FBXO34: variants seen among roughly 807,000 people sequenced by gnomAD.
The protein encoded by FBXO34 is F-box protein 34, also known as F-box only protein 34.
A neutral mutation model predicts 24.5 loss-of-function variants in FBXO34; 12 were observed. The ratio of observed to expected loss-of-function variants is 0.49; its 90% confidence interval spans 0.31 to 0.79. The LOEUF (loss-of-function observed/expected upper bound fraction) is 0.79. FBXO34 is among the 30% of genes least tolerant of loss of function. The pLI, the probability that FBXO34 is intolerant of heterozygous loss-of-function variation, is 0.04. For synonymous variants in FBXO34, 320 were observed against 311.9 expected, an observed-to-expected ratio of 1.03 and a Z score of -0.27; for missense variants, 823 against 857.7, an observed-to-expected ratio of 0.96 and a Z score of 0.51.
intron 1 of FBXO34, among the ~76,000 whole-genome samples, chr14:55,343,952 T>C (rs1167863355): frequency 6.6e-6 from 1 of 152,222 alleles, no homozygotes; most frequent in African/African-American, 2.4e-5. Flanking sequence ...GTGAGAGTTT[T>C]CTTTTCTTTA....
chr14:55,441,584 G>C, the FBXO34 span, among the ~76,000 whole-genome samples: 6 of 152,102 alleles, frequency 3.9e-5, no homozygotes, highest in Non-Finnish European at 5.9e-5. Flanking sequence ...GTCACTGAGC[G>C]TTCCGTCTAA....
intron 1 of FBXO34, among the ~76,000 whole-genome samples, chr14:55,305,965 A>G (rs866268745): frequency 1.3e-5 from 2 of 152,222 alleles, no homozygotes; most frequent in African/African-American, 4.8e-5. Context: ...AAAGTATCAC[A>G]TTTTAAACCT....
chr14:55,391,134 T>C, the FBXO34 span: 5 of 586,232 alleles, frequency 8.5e-6, no homozygotes, highest in South Asian at 2.2e-5. Flanking sequence ...TTTGTAACTA[T>C]GGAACATTAC....
chr14:55,357,839 A>G (rs141215261), downstream of FBXO34, among the ~76,000 whole-genome samples: 1,012 of 152,362 alleles, frequency 6.6e-3, 13 homozygotes, highest in African/African-American at 0.023. Flanking sequence ...TTAAAAAACT[A>G]AAAATCAATT....
At chr14:55,316,107 T>C (rs1022975605) in intron 1 of FBXO34, among the ~76,000 whole-genome samples, 9 of 152,186 alleles carry the variant, frequency 5.9e-5, no homozygotes, top group Admixed American at 1.3e-4. Context: ...TAGTCTTCTT[T>C]TTTTTTGGTA....
At chr14:55,412,970 G>A in the FBXO34 span, among the ~76,000 whole-genome samples, 1 of 152,140 alleles carries the variant, frequency 6.6e-6, no homozygotes, top group Non-Finnish European at 1.5e-5. Flanking sequence ...ATCGAAAACT[G>A]GTGATTCTAC....
chr14:55,307,634 CCTA>C (rs929224581), intron 1 of FBXO34, among the ~76,000 whole-genome samples: 3 of 152,172 alleles, frequency 2.0e-5, no homozygotes, highest in African/African-American at 7.2e-5. Flanking sequence ...TGAGAGATAA[CCTA>C]CTGACATGAG....
At chr14:55,422,127 A>G in the FBXO34 span, among the ~76,000 whole-genome samples, 2 of 152,340 alleles carry the variant, frequency 1.3e-5, no homozygotes, top group South Asian at 2.1e-4. Flanking sequence ...GAACAGCCAC[A>G]TATGTAAAAG....
At chr14:55,326,913 T>A (rs1340086208) in intron 1 of FBXO34, among the ~76,000 whole-genome samples, 1 of 152,178 alleles carries the variant, frequency 6.6e-6, no homozygotes, top group African/African-American at 2.4e-5. Context: ...TGAGTGTGTA[T>A]AACGTTATTA....
chr14:55,289,233 T>C (rs904255950), intron 1 of FBXO34, among the ~76,000 whole-genome samples: 1 of 152,100 alleles, frequency 6.6e-6, no homozygotes, highest in African/African-American at 2.4e-5. Flanking sequence ...TAGTAGTTCT[T>C]AGGTAATTAG....
chr14:55,405,965 T>C, the FBXO34 span, among the ~76,000 whole-genome samples: 1 of 151,806 alleles, frequency 6.6e-6, no homozygotes, highest in Non-Finnish European at 1.5e-5. Context: ...AGGTGGGGGA[T>C]GAGGAAAGGA....
the FBXO34 span, among the ~76,000 whole-genome samples, chr14:55,412,228 G>A: frequency 6.6e-6 from 1 of 152,202 alleles, no homozygotes; most frequent in Admixed American, 6.5e-5. Context: ...GTAGGGTGAA[G>A]GGGCTGGGTC....
chr14:55,364,406 T>C (rs1357304820), downstream of FBXO34, among the ~76,000 whole-genome samples: 1 of 152,128 alleles, frequency 6.6e-6, no homozygotes, highest in Non-Finnish European at 1.5e-5. Context: ...GAGGAAAGAT[T>C]GTCCCACTGG....
intron 1 of FBXO34, among the ~76,000 whole-genome samples, chr14:55,289,549 CAGAA>C (rs1293468016): frequency 5.9e-5 from 9 of 151,896 alleles, no homozygotes; most frequent in Admixed American, 2.0e-4. Context: ...GTATATATGA[CAGAA>C]AGAAAGAGGT....
At chr14:55,400,563 T>G in the FBXO34 span, among the ~76,000 whole-genome samples, 8 of 152,308 alleles carry the variant, frequency 5.3e-5, no homozygotes, top group Middle Eastern at 3.4e-3. Context: ...AATAGCCTAG[T>G]GCACTTTTAT....
chr14:55,404,053 T>C, the FBXO34 span, among the ~76,000 whole-genome samples: 1 of 152,214 alleles, frequency 6.6e-6, no homozygotes. Context: ...AGGAGACCCA[T>C]GGAACTGACC....
At chr14:55,425,513 A>G in the FBXO34 span, among the ~76,000 whole-genome samples, 31,281 of 152,208 alleles carry the variant, frequency 0.21, 5,040 homozygotes, top group African/African-American at 0.45. Flanking sequence ...TGTGCTCCCA[A>G]TTAGGAATAT....
At chr14:55,429,004 T>C in the FBXO34 span, 6 of 1,611,376 alleles carry the variant, frequency 3.7e-6, no homozygotes, top group Non-Finnish European at 5.1e-6. Flanking sequence ...TTTAAAGATG[T>C]CTTAATCGCT....
At chr14:55,357,192 G>T (rs1350814454), downstream of FBXO34, among the ~76,000 whole-genome samples, 1 of 152,208 alleles carries the variant, frequency 6.6e-6, no homozygotes, top group Non-Finnish European at 1.5e-5. Flanking sequence ...CCAAACTGAT[G>T]TGAGGAAAAG....
Sources: allele counts gnomAD v4.1 joint callset (sites outside exome capture counted in the v4.1 genomes callset), GRCh38; gene constraint gnomAD v4.1.1; transcripts MANE v1.5; gene names NCBI Gene and HGNC (gene_info 2026-07-23, HGNC 2026-07-21).